ABCC1: variants seen among roughly 807,000 people sequenced by gnomAD.
ABCC1 encodes the protein multidrug resistance-associated protein 1.
ABCC1 carries 83 observed loss-of-function variants against 172.9 expected under a neutral mutation model. The observed-to-expected ratio is 0.48, with a 90% CI of 0.40 to 0.58. ABCC1 has a LOEUF of 0.58. Ranked by LOEUF, ABCC1 falls within the 20% of genes least tolerant of loss-of-function variation. ABCC1 has a pLI of 0.00. For missense variants in ABCC1, 1,817 were observed against 2,002.7 expected, an observed-to-expected ratio of 0.91 and a Z score of 1.77; for synonymous variants, 937 against 825.2, an observed-to-expected ratio of 1.14 and a Z score of -2.32.
intron 12 of ABCC1, among the ~76,000 whole-genome samples, chr16:16,060,980 C>G (rs1008534964): frequency 1.3e-5 from 2 of 152,142 alleles, no homozygotes; most frequent in African/African-American, 4.8e-5. Flanking sequence ...CCATGCCCAG[C>G]TAAGTTTTGT....
chr16:15,963,413 C>G (rs2046179879), intron 1 of ABCC1, among the ~76,000 whole-genome samples: 1 of 152,218 alleles, frequency 6.6e-6, no homozygotes, highest in Admixed American at 6.5e-5. Flanking sequence ...AGGCAGTACC[C>G]CAGTGGGGAC....
intron 15 of ABCC1, 99 bp downstream of exon 15, chr16:16,076,500 T>A: frequency 8.5e-7 from 1 of 1,172,830 alleles, no homozygotes; most frequent in Non-Finnish European, 1.2e-6. Context: ...CTCTGTGACC[T>A]TGAACAACTC....
chr16:15,980,614 T>G (rs1325840566), intron 1 of ABCC1, among the ~76,000 whole-genome samples: 1 of 152,156 alleles, frequency 6.6e-6, no homozygotes, highest in East Asian at 1.9e-4. Context: ...ATGATTGAAT[T>G]GTCTCTCACT....
chr16:16,046,819 G>C (rs1046768249), intron 9 of ABCC1, among the ~76,000 whole-genome samples: 4 of 150,934 alleles, frequency 2.7e-5, no homozygotes, highest in African/African-American at 9.8e-5. Flanking sequence ...CCTAGGTTAG[G>C]AAGAGACAGT....
At chr16:16,115,128 C>A in intron 23 of ABCC1, 52 bp downstream of exon 23, 1 of 1,546,562 alleles carries the variant, frequency 6.5e-7, no homozygotes, top group Non-Finnish European at 8.8e-7. Flanking sequence ...GCATTATATA[C>A]CAGTGTTACC....
intron 1 of ABCC1, among the ~76,000 whole-genome samples, chr16:15,990,771 T>C (rs2151628961): frequency 6.6e-6 from 1 of 150,528 alleles, no homozygotes; most frequent in South Asian, 2.1e-4. Flanking sequence ...TGCCTCAGCC[T>C]CCCGAGTAGC....
Position 16,068,681 on chromosome 16 carries a change from C to T in ABCC1, c.1824+379C>T, listed in dbSNP as rs73517984. ...CCCACTGATAGGTCTTGACCACCCA[C>T]GCTTTGAGAAACCCCAACCTTACAG... On this transcript the variant is annotated intron_variant, in intron 13 of 30. Coordinates refer to ENST00000399410, the MANE Select transcript of ABCC1 (RefSeq NM_004996.4). 2.0e-3 allele frequency among the ~76,000 whole-genome samples: 305 copies of T among 152,226 alleles called. 2 individuals carry two copies. Among genetic ancestry groups the T allele is most frequent in the African/African-American group, 6.6e-3 (274 of 41,534 alleles).
intron 19 of ABCC1, among the ~76,000 whole-genome samples, chr16:16,093,486 T>C (rs1012070802): frequency 6.6e-6 from 1 of 152,090 alleles, no homozygotes; most frequent in Non-Finnish European, 1.5e-5. Context: ...CTTAATTTGG[T>C]GATGCAAATG....
At chr16:16,009,541 G>A (rs112531703) in intron 2 of ABCC1, among the ~76,000 whole-genome samples, 57 of 152,242 alleles carry the variant, frequency 3.7e-4, no homozygotes, top group African/African-American at 1.1e-3. Context: ...CAGTCCTGTT[G>A]GAGGTAGTGG....
chr16:16,114,709 C>A (rs1251599857), intron 22 of ABCC1, 57 bp from the exon 23 acceptor site: 15 of 1,514,564 alleles, frequency 9.9e-6, no homozygotes, highest in Non-Finnish European at 1.3e-5. Flanking sequence ...CTCCTCCCTG[C>A]AGTGCCTGGT....
chr16:15,960,821 C>T (rs1328808019), intron 1 of ABCC1, among the ~76,000 whole-genome samples: 3 of 151,954 alleles, frequency 2.0e-5, no homozygotes, highest in Non-Finnish European at 4.4e-5. Context: ...CTGCAGAGCC[C>T]ATCTCATAAA....
chr16:16,061,825 G>T (rs1312742807), intron 12 of ABCC1, among the ~76,000 whole-genome samples: 1 of 139,972 alleles, frequency 7.1e-6, no homozygotes, highest in East Asian at 2.0e-4. Context: ...CCAAGCTGGA[G>T]TGCAGTGACA....
Position 16,056,101 on chromosome 16 carries a change from A to T in ABCC1, c.1483A>T (p.Met495Leu). 1 of 1,614,136 alleles carries T rather than the reference A, an allele frequency of 6.2e-7. No individual in the cohort carries two copies. Among genetic ancestry groups the T allele is most frequent in the Non-Finnish European group, 8.5e-7 (1 of 1,179,984 alleles). Reference sequence around the variant, plus strand: ...GCCCGTCTCTTCCAAGGTGGCCCACATGAAGAGCAAAGACAATCGGATCAA... The same window carrying T: ...GCCCGTCTCTTCCAAGGTGGCCCACTTGAAGAGCAAAGACAATCGGATCAA... ...MKTKTYQVAHMKSKDNRIKLM... is the reference protein window; with the variant it reads ...MKTKTYQVAHLKSKDNRIKLM... Residue 495 changes from methionine to leucine, a missense_variant, in exon 12 of 31, where the codon ATG becomes TTG. Physicochemically the swap from Met to Leu is conservative, Grantham distance 15. This residue lies in a region of ABCC1 where 1,412 missense variants were observed against 1,600.3 expected (regional missense o/e 0.88). Coordinates refer to ENST00000399410, the MANE Select transcript of ABCC1 (RefSeq NM_004996.4).
At chr16:16,074,116 G>C (rs1042888309) in intron 14 of ABCC1, among the ~76,000 whole-genome samples, 4 of 152,288 alleles carry the variant, frequency 2.6e-5, no homozygotes, top group Admixed American at 2.6e-4. Flanking sequence ...CTGACATCTG[G>C]AGACACATTG....
intron 16 of ABCC1, among the ~76,000 whole-genome samples, chr16:16,080,003 G>A (rs1485120068): frequency 6.6e-6 from 1 of 152,008 alleles, no homozygotes; most frequent in East Asian, 1.9e-4. Context: ...AGTAGAGACG[G>A]TGTTTTACCA....
chr16:16,132,065 G>A (rs115413121), intron 27 of ABCC1, 130 bp downstream of exon 27: 25 of 1,215,724 alleles, frequency 2.1e-5, no homozygotes, highest in Admixed American at 1.2e-4. Context: ...TGGCTTTTTG[G>A]GGGGCTGGGA....
At chr16:16,113,812 T>G (rs186814190) in intron 22 of ABCC1, among the ~76,000 whole-genome samples, 2 of 152,214 alleles carry the variant, frequency 1.3e-5, no homozygotes, top group Admixed American at 1.3e-4. Context: ...AAATGGTGGG[T>G]GGTGATTTCG....
chr16:16,007,245 A>T (rs564785922), intron 1 of ABCC1, among the ~76,000 whole-genome samples: 6,815 of 116,374 alleles, frequency 0.059, 503 homozygotes, highest in African/African-American at 0.18. Context: ...TGTGTGTGTG[A>T]GAGACAGGGT....
At chr16:16,069,153 A>T (rs1347883151) in intron 13 of ABCC1, among the ~76,000 whole-genome samples, 5 of 136,496 alleles carry the variant, frequency 3.7e-5, no homozygotes, top group South Asian at 4.4e-4. Context: ...AAAAAAAAAT[A>T]AAATAAAATA....
Sources: allele counts gnomAD v4.1 joint callset (sites outside exome capture counted in the v4.1 genomes callset), GRCh38; gene constraint gnomAD v4.1.1; regional missense constraint gnomAD v4.1.1; transcripts MANE v1.5; gene names NCBI Gene and HGNC (gene_info 2026-07-23, HGNC 2026-07-21).